METAP1D: variants seen among roughly 807,000 people sequenced by gnomAD.
METAP1D encodes the protein methionine aminopeptidase 1D, mitochondrial.
METAP1D carries 31 observed loss-of-function variants against 40.5 expected under a neutral mutation model. That is an observed-to-expected ratio of 0.77 (90% CI 0.58 to 1.03). The LOEUF is 1.03. METAP1D is among the 50% of genes least tolerant of loss of function. The pLI, the probability that METAP1D is intolerant of heterozygous loss-of-function variation, is 0.00. For synonymous variants in METAP1D, 151 were observed against 146.4 expected (o/e 1.03, Z -0.22); for missense variants, 411 against 420.7 (o/e 0.98, Z 0.20).
At chr2:172,034,715 A>G (rs1192224715) in intron 1 of METAP1D, among the ~76,000 whole-genome samples, 1 of 152,224 alleles carries the variant, frequency 6.6e-6, no homozygotes, top group Admixed American at 6.5e-5. Flanking sequence ...TGTATCCAAC[A>G]AGGGTTTTAT....
At chr2:172,028,546 G>C (rs1365604842) in intron 1 of METAP1D, among the ~76,000 whole-genome samples, 1 of 2,000 alleles carries the variant, frequency 5.0e-4, no homozygotes, top group Non-Finnish European at 3.4e-3. Flanking sequence ...GTGTGTCTGT[G>C]TGTGTGTGTG....
At position 172,013,048 on chromosome 2, in the gene METAP1D, G is replaced by C. The variant is rs114731920; in HGVS notation, c.40+13039G>C. Among the ~76,000 whole-genome samples the C allele has an allele frequency of 5.3e-3, 804 of 152,244 alleles. 8 individuals carry two copies. The highest frequency in any genetic ancestry group is 0.017 in the African/African-American group (694 of 41,542). ...AAGAAAAATCAGTAACTCTTAACAGGGGATTTAGCCTAGTTTACAAGAGTA... is the reference window on the plus strand; with the variant it reads ...AAGAAAAATCAGTAACTCTTAACAGCGGATTTAGCCTAGTTTACAAGAGTA... On this transcript the variant is annotated intron_variant, in intron 1 of 9. Coordinates refer to ENST00000315796, the MANE Select transcript of METAP1D (RefSeq NM_199227.3).
chr2:172,045,853 A>G (rs1384684341), intron 1 of METAP1D, among the ~76,000 whole-genome samples: 11 of 113,768 alleles, frequency 9.7e-5, no homozygotes, highest in African/African-American at 3.4e-4. Flanking sequence ...ATATATATAT[A>G]TATATATATA....
chr2:172,049,319 A>C (rs1487119134), intron 1 of METAP1D, among the ~76,000 whole-genome samples: 1 of 151,200 alleles, frequency 6.6e-6, no homozygotes, highest in Non-Finnish European at 1.5e-5. Context: ...ATAGTTGAAC[A>C]TTCATATCCT....
rs753649114 is a variant in METAP1D at position 172,045,809 on chromosome 2, GTGTGTGTGTGTA to G, written c.41-15687_41-15676del. ...TGTATATGTATATATGTGTGTGTGT[GTGTGTGTGTGTA>G]TATATATATATATATATATATATAT... On this transcript the variant is annotated intron_variant, in intron 1 of 9. Transcript: ENST00000315796. 0.034 allele frequency among the ~76,000 whole-genome samples: 2,404 copies of G among 69,776 alleles called. 305 individuals carry two copies. The East Asian group carries it at 0.36, about 10-fold the overall frequency. 45.8% of individuals were successfully genotyped at this position (69,776 alleles called of 152,430 possible).
chr2:172,075,429 C>T (rs1008083740), intron 6 of METAP1D, among the ~76,000 whole-genome samples: 11 of 152,214 alleles, frequency 7.2e-5, no homozygotes, highest in African/African-American at 2.4e-4. Context: ...TTTGGGAGCA[C>T]TTCGGTGCTT....
chr2:172,075,571 G>T (rs988629208), intron 6 of METAP1D, among the ~76,000 whole-genome samples: 1 of 152,082 alleles, frequency 6.6e-6, no homozygotes, highest in African/African-American at 2.4e-5. Flanking sequence ...TGCTACTACT[G>T]GTCACTTGGA....
In METAP1D at chr2:172,079,371, T is replaced by C. The variant is rs565185796; in HGVS notation, c.850+109T>C. On this transcript the variant is annotated intron_variant, in intron 8 of 9. Coordinates refer to ENST00000315796, the MANE Select transcript of METAP1D (RefSeq NM_199227.3). ...GGACCAATAAAGCCAATCAGTGTAATGAAATAATTCGGATGCACTGGAAAT... is the reference window on the plus strand; with the variant it reads ...GGACCAATAAAGCCAATCAGTGTAACGAAATAATTCGGATGCACTGGAAAT... 15 of 999,630 alleles carry C rather than the reference T, an allele frequency of 1.5e-5. No individual in the cohort carries two copies. In the African/African-American group the frequency reaches 2.4e-4, roughly 16 times the overall value. 61.9% of individuals were successfully genotyped at this position (999,630 alleles called of 1,614,324 possible). A position where few individuals can be genotyped will look rare whatever the true frequency, so the allele number is the denominator to read the frequency against.
intron 1 of METAP1D, among the ~76,000 whole-genome samples, chr2:172,018,875 C>T (rs1688941924): frequency 6.6e-6 from 1 of 152,162 alleles, no homozygotes; most frequent in African/African-American, 2.4e-5. Context: ...CGGTATTCCA[C>T]AATGTAATTT....
chr2:172,017,857 G>A (rs1480331034), intron 1 of METAP1D, among the ~76,000 whole-genome samples: 1 of 152,040 alleles, frequency 6.6e-6, no homozygotes, highest in African/African-American at 2.4e-5. Context: ...GGCTGGGCGC[G>A]GTGGCTTACA....
intron 1 of METAP1D, among the ~76,000 whole-genome samples, chr2:172,040,272 T>C (rs1334052270): frequency 6.6e-6 from 1 of 152,240 alleles, no homozygotes; most frequent in African/African-American, 2.4e-5. Flanking sequence ...TTTTTATTAG[T>C]GAGAAAAGTT....
intron 1 of METAP1D, among the ~76,000 whole-genome samples, chr2:172,011,255 A>G (rs1477057019): frequency 6.8e-6 from 1 of 147,702 alleles, no homozygotes; most frequent in Non-Finnish European, 1.5e-5. Flanking sequence ...CCATCCCCTC[A>G]TCCTTAAGCA....
intron 6 of METAP1D, among the ~76,000 whole-genome samples, chr2:172,076,319 TA>T (rs59857607): frequency 0.23 from 33,680 of 145,712 alleles, 4,103 homozygotes; most frequent in East Asian, 0.54. Flanking sequence ...ACTGTTCCTG[TA>T]AAAAAAAAAA....
At chr2:172,058,472 G>A (rs895317263) in intron 1 of METAP1D, among the ~76,000 whole-genome samples, 1 of 152,058 alleles carries the variant, frequency 6.6e-6, no homozygotes, top group Non-Finnish European at 1.5e-5. Context: ...CAATACTAGG[G>A]TTGGTGATAT....
chr2:172,054,482 G>A (rs1689958943), intron 1 of METAP1D, among the ~76,000 whole-genome samples: 1 of 151,876 alleles, frequency 6.6e-6, no homozygotes, highest in Non-Finnish European at 1.5e-5. Context: ...TCGTGCTACT[G>A]CACTCTAGCC....
intron 1 of METAP1D, among the ~76,000 whole-genome samples, chr2:172,021,211 G>T (rs1221498345): frequency 6.6e-6 from 1 of 152,084 alleles, no homozygotes; most frequent in Non-Finnish European, 1.5e-5. Flanking sequence ...AGGATATATG[G>T]GGATAGAATT....
chr2:172,062,153 T>C (rs1025667741), intron 2 of METAP1D, among the ~76,000 whole-genome samples: 1 of 151,814 alleles, frequency 6.6e-6, no homozygotes, highest in Non-Finnish European at 1.5e-5. Context: ...TTTTCAGAGA[T>C]TGCAATTCTG....
intron 1 of METAP1D, among the ~76,000 whole-genome samples, chr2:172,042,361 GTA>G (rs1491352920): frequency 2.6e-5 from 1 of 38,764 alleles, no homozygotes; most frequent in Non-Finnish European, 4.4e-5. Context: ...ATATACATAT[GTA>G]TGTGTACATG....
chr2:172,010,446 C>CCT (rs1477107506), intron 1 of METAP1D, among the ~76,000 whole-genome samples: 1 of 117,766 alleles, frequency 8.5e-6, no homozygotes, highest in Non-Finnish European at 1.6e-5. Flanking sequence ...GCACCCAGCC[C>CCT]TTTTTTTTTT....
Sources: allele counts gnomAD v4.1 joint callset (sites outside exome capture counted in the v4.1 genomes callset), GRCh38; gene constraint gnomAD v4.1.1; transcripts MANE v1.5; gene names NCBI Gene and HGNC (gene_info 2026-07-23, HGNC 2026-07-21).